Variants in LIAS observed in about 807,000 individuals in gnomAD.
LIAS encodes the protein lipoyl synthase, mitochondrial.
A neutral mutation model predicts 49.4 loss-of-function variants in LIAS; 36 were observed. That is an observed-to-expected ratio of 0.73 (90% CI 0.56 to 0.96). LIAS has a LOEUF of 0.96. LIAS is among the 40% of genes least tolerant of loss of function. The pLI is 0.00. For synonymous variants in LIAS, 145 were observed against 155.8 expected (o/e 0.93, Z 0.52); for missense variants, 399 against 456.3 (o/e 0.87, Z 1.14).
At chr4:39,471,872 C>G (rs757583383) in intron 9 of LIAS, among the ~76,000 whole-genome samples, 1 of 151,866 alleles carries the variant, frequency 6.6e-6, no homozygotes, top group Non-Finnish European at 1.5e-5. Context: ...TCATTTTGGC[C>G]AGGCTAGTCT....
chr4:39,459,315 T>C (rs1744317010), intron 1 of LIAS, 153 bp downstream of exon 1: 1 of 659,208 alleles, frequency 1.5e-6, no homozygotes, highest in African/African-American at 1.8e-5. Flanking sequence ...CTCATGTAAT[T>C]ATCCCGCCAG....
intron 10 of LIAS, chr4:39,475,436 T>C (rs1459835220): frequency 6.6e-6 from 1 of 151,726 alleles, no homozygotes; most frequent in African/African-American, 2.4e-5. Flanking sequence ...TTTTTTTATC[T>C]AAAGTGGTGA....
chr4:39,468,517 A>ATTTT lies in LIAS; in HGVS notation c.737+872_737+873insTTTT, dbSNP rs1345576338. On this transcript the variant is annotated intron_variant, in intron 7 of 10. Coordinates refer to ENST00000640888, the MANE Select transcript of LIAS (RefSeq NM_006859.4). ...GGAAAAAAAAAATATATATATATAT[A>ATTTT]TATATTTTTTTATATTATATATATT... 266 of 138,366 alleles carry ATTTT rather than the reference A, an allele frequency of 1.9e-3. 2 individuals carry two copies. The East Asian group carries it at 0.036, about 19-fold the overall frequency. The allele number at this position is 138,366 out of a possible 1,614,324, so 8.6% of individuals were successfully genotyped here. A position where few individuals can be genotyped will look rare whatever the true frequency, so the allele number is the denominator to read the frequency against.
At chr4:39,463,854 C>T (rs942552797) in intron 4 of LIAS, 16 of 599,942 alleles carry the variant, frequency 2.7e-5, no homozygotes, top group Admixed American at 1.7e-4. Flanking sequence ...TGAGATACCT[C>T]TCCTATCAAT....
At chr4:39,464,401 T>G (rs1251442278) in intron 4 of LIAS, among the ~76,000 whole-genome samples, 3 of 151,768 alleles carry the variant, frequency 2.0e-5, no homozygotes. Flanking sequence ...ACAGACACCC[T>G]CATACCTCCA....
intron 1 of LIAS, among the ~76,000 whole-genome samples, chr4:39,460,504 A>T (rs1486941857): frequency 6.9e-6 from 1 of 145,554 alleles, no homozygotes; most frequent in African/African-American, 2.5e-5. Context: ...ACTGCACTCC[A>T]GCCTGGGCAA....
chr4:39,472,124 T>TAC lies in LIAS; in HGVS notation c.954+840_954+841dup, dbSNP rs150010225. On this transcript the variant is annotated intron_variant, in intron 9 of 10. Coordinates refer to ENST00000640888, the MANE Select transcript of LIAS (RefSeq NM_006859.4). ...ATATCTGTATATACACACACACATA[T>TAC]ACACACACACACACACACACACATA... Among the ~76,000 whole-genome samples, 1,457 of 150,238 alleles carry TAC rather than the reference T, an allele frequency of 9.7e-3. 8 individuals carry two copies. Among genetic ancestry groups the TAC allele is most frequent in the African/African-American group, 0.018 (734 of 40,734 alleles).
chr4:39,471,454 C>T (rs888808925), intron 9 of LIAS, 148 bp downstream of exon 9: 12 of 527,024 alleles, frequency 2.3e-5, no homozygotes, highest in East Asian at 2.1e-4. Flanking sequence ...CTGCCTCACC[C>T]TCCTGAGCAG....
intron 3 of LIAS, 34 bp from the exon 4 acceptor site, chr4:39,463,491 A>G: frequency 1.3e-6 from 2 of 1,539,104 alleles, no homozygotes; most frequent in Non-Finnish European, 1.8e-6. Flanking sequence ...GGATATTGTC[A>G]ACCTAATGGT....
In LIAS at chr4:39,467,499, T is replaced by G. The variant is rs1169661442; in HGVS notation, c.609-19T>G. Reference sequence around the variant, plus strand: ...TCAGTTCTTTCTCTCTGTTTGATAATTCTCTCTTTTCCCCTTAGGAATCCA... The same window carrying G: ...TCAGTTCTTTCTCTCTGTTTGATAAGTCTCTCTTTTCCCCTTAGGAATCCA... On this transcript the variant is annotated intron_variant, in intron 6 of 10. Transcript: ENST00000640888. The G allele has an allele frequency of 6.4e-7, 1 of 1,560,496 alleles. No homozygotes were observed. The highest frequency in any genetic ancestry group is 1.4e-5 in the African/African-American group (1 of 73,058).
chr4:39,460,249 G>C (rs1220938561), intron 1 of LIAS, among the ~76,000 whole-genome samples: 1 of 151,802 alleles, frequency 6.6e-6, no homozygotes, highest in Non-Finnish European at 1.5e-5. Flanking sequence ...AGAGATTTTC[G>C]GGCCGGGTGC....
chr4:39,462,297 G>T lies in LIAS; in HGVS notation c.312+8G>T. The T allele has an allele frequency of 7.0e-7, 1 of 1,437,010 alleles. No individual in the cohort carries two copies. Among genetic ancestry groups the T allele is most frequent in the Non-Finnish European group, 9.5e-7 (1 of 1,052,988 alleles). The allele number at this position is 1,437,010 out of a possible 1,614,324, so 89.0% of individuals were successfully genotyped here. A position where few individuals can be genotyped will look rare whatever the true frequency, so the allele number is the denominator to read the frequency against. The stretch of plus-strand genomic sequence containing the variant: ...AATTTAAATCTCCATACAGTAAGTT[G>T]TCAAAGTGTAAACTATCCCTCTTCA... On this transcript the variant is annotated splice_region_variant and intron_variant, in intron 3 of 10. Transcript: ENST00000640888.
intron 5 of LIAS, 21 bp downstream of exon 5, chr4:39,465,223 T>G (rs1420355085): frequency 6.2e-7 from 1 of 1,612,438 alleles, no homozygotes; most frequent in Non-Finnish European, 8.5e-7. Flanking sequence ...CATCATGGCC[T>G]CTACCAGAAA....
rs1745302894 is a variant in LIAS, at chr4:39,478,989, G to A, written c.*1874G>A. 1 of 151,988 alleles carries A rather than the reference G, an allele frequency of 6.6e-6. No individual in the cohort carries two copies. 9.4% of individuals were successfully genotyped at this position (151,988 alleles called of 1,614,324 possible). On this transcript the variant is annotated 3_prime_UTR_variant, in exon 11 of 11. Transcript: ENST00000640888. Reference sequence around the variant, plus strand: ...TTGGGAGGCTGAGGCGGGTGAATCAGTTGAGCTCAGGAGTTTGAGACTAGC... The same window carrying A: ...TTGGGAGGCTGAGGCGGGTGAATCAATTGAGCTCAGGAGTTTGAGACTAGC...
At chr4:39,465,421 C>A in intron 6 of LIAS, 79 bp downstream of exon 6, 2 of 1,193,478 alleles carry the variant, frequency 1.7e-6, no homozygotes, top group Non-Finnish European at 2.4e-6. Flanking sequence ...TACCTTGAAA[C>A]AGGGATTATT....
At position 39,463,550 on chromosome 4, in the gene LIAS, A is replaced by G; in HGVS notation, c.338A>G (p.Asn113Ser). The part of the protein sequence containing the change: ...HTVCEEARCP[N>S]IGECWGGGEY... ...GTATGTGAGGAAGCTCGATGTCCCA[A>G]TATTGGAGAGTGTTGGGGAGGTGGA... Residue 113 changes from asparagine to serine, a missense_variant, in exon 4 of 11, where the codon AAT becomes AGT. Around this residue, in one of 3 missense-constraint regions of LIAS, gnomAD observed 159 missense variants for 147.6 expected, o/e 1.08. Transcript: ENST00000640888. 1.9e-6 allele frequency: 3 copies of G among 1,611,304 alleles called. No homozygotes were observed. The highest frequency in any genetic ancestry group is 2.5e-6 in the Non-Finnish European group (3 of 1,178,250).
rs1173121331 is a variant in LIAS, at chr4:39,459,061, C to T, written c.-57C>T. 9 of 1,595,806 alleles carry T rather than the reference C, an allele frequency of 5.6e-6. No individual in the cohort carries two copies. The East Asian group carries it at 6.7e-5, about 12-fold the overall frequency. On this transcript the variant is annotated 5_prime_UTR_variant, in exon 1 of 11. Transcript: ENST00000640888. Reference sequence around the variant, plus strand: ...TGGAGCGACGTAATTTCGACCTGTCCTTTCCCGGGAGTTAGCGATCCCTCA... The same window carrying T: ...TGGAGCGACGTAATTTCGACCTGTCTTTTCCCGGGAGTTAGCGATCCCTCA...
chr4:39,467,274 T>G (rs1744794495), intron 6 of LIAS: 1 of 233,248 alleles, frequency 4.3e-6, no homozygotes, highest in South Asian at 1.7e-4. Flanking sequence ...TATATATAAT[T>G]TGAAATTTTA....
intron 7 of LIAS, chr4:39,469,679 C>T (rs1744904769): frequency 5.2e-6 from 1 of 191,342 alleles, no homozygotes; most frequent in Non-Finnish European, 1.1e-5. Context: ...GTGGGTTCAG[C>T]TTATTTTTTT....
Sources: gnomAD v4.1 joint callset for allele counts (sites outside exome capture counted in the v4.1 genomes callset) on GRCh38, gnomAD v4.1.1 for gene constraint, gnomAD v4.1.1 regional missense constraint, MANE v1.5 for transcripts, NCBI Gene and HGNC (gene_info 2026-07-23, HGNC 2026-07-21) for gene names.